Variants in LYRM1 observed in about 807,000 individuals in gnomAD.
The protein encoded by LYRM1 is LYR motif containing 1, also known as LYR motif-containing protein 1.
Under a neutral mutation model 14.9 loss-of-function variants are expected in LYRM1, and 14 were observed. The observed-to-expected ratio is 0.94, with a 90% CI of 0.62 to 1.47. LYRM1 has a LOEUF of 1.47. LYRM1 is among the 40% of genes most tolerant of loss of function. The pLI is 0.00. For missense variants in LYRM1, 153 were observed against 149.9 expected, an observed-to-expected ratio of 1.02 and a Z score of -0.11; for synonymous variants, 43 against 56.2, an observed-to-expected ratio of 0.77 and a Z score of 1.05.
chr16:20,909,583 C>T (rs905538275), intron 1 of LYRM1, among the ~76,000 whole-genome samples: 1 of 152,118 alleles, frequency 6.6e-6, no homozygotes, highest in African/African-American at 2.4e-5. Flanking sequence ...AGGAAAAGGG[C>T]TTCCTTAGTC....
chr16:20,919,765 G>T (rs1180489735), intron 2 of LYRM1, among the ~76,000 whole-genome samples: 6 of 152,140 alleles, frequency 3.9e-5, no homozygotes, highest in Admixed American at 3.3e-4. Context: ...GTTTGTGTGA[G>T]AAAAATAATC....
rs2082039736 is a variant in LYRM1, at chr16:20,901,361, G to T, written c.-1+472G>T. Among the ~76,000 whole-genome samples the T allele has an allele frequency of 6.6e-6, 1 of 152,168 alleles. No individual in the cohort carries two copies. Among genetic ancestry groups the T allele is most frequent in the African/African-American group, 2.4e-5 (1 of 41,430 alleles). ...CGTTACCTTCCATTCGTGTGCAGGAGAGAGTTAAGTAAATCAATAAAGAAG... is the reference window on the plus strand; with the variant it reads ...CGTTACCTTCCATTCGTGTGCAGGATAGAGTTAAGTAAATCAATAAAGAAG... On this transcript the variant is annotated intron_variant, in intron 1 of 3. Coordinates refer to ENST00000567954, the MANE Select transcript of LYRM1 (RefSeq NM_001128302.3). This position sits in a 1 kb window ranked among gnomAD's most constrained non-coding sequence, Gnocchi z 4.6.
At position 20,924,445 on chromosome 16, in the gene LYRM1, C is replaced by G. The variant is rs930756652; in HGVS notation, c.*329C>G. On this transcript the variant is annotated 3_prime_UTR_variant, in exon 4 of 4. Transcript: ENST00000567954. ...CATTCACCACACATGCCAGCTGATGCAAAGAAATTTGCCAGTCACTGGAAG... is the reference window on the plus strand; with the variant it reads ...CATTCACCACACATGCCAGCTGATGGAAAGAAATTTGCCAGTCACTGGAAG... The G allele has an allele frequency of 5.7e-6, 1 of 175,006 alleles. No individual in the cohort carries two copies. The highest frequency in any genetic ancestry group is 1.6e-4 in the South Asian group (1 of 6,174). 10.8% of individuals were successfully genotyped at this position (175,006 alleles called of 1,614,324 possible).
In LYRM1 at chr16:20,901,806, T is replaced by TA. The variant is rs1378960248; in HGVS notation, c.-1+919dup. 1.1e-4 allele frequency among the ~76,000 whole-genome samples: 16 copies of TA among 152,068 alleles called. No individual in the cohort carries two copies. Among genetic ancestry groups the TA allele is most frequent in the African/African-American group, 3.9e-4 (16 of 41,378 alleles). On this transcript the variant is annotated intron_variant, in intron 1 of 3. Transcript: ENST00000567954. The surrounding 1 kb of genome is among the most constrained non-coding windows in gnomAD (Gnocchi z 4.6). ...GACCTGTTAGGAGACTGTTGCACTGTAAGACAAAGGAGAGGTGAAGATAGT... is the reference window on the plus strand; with the variant it reads ...GACCTGTTAGGAGACTGTTGCACTGTAAAGACAAAGGAGAGGTGAAGATAGT...
At chr16:20,899,999 C>A (rs1275698247), upstream of LYRM1, 2 of 152,600 alleles carry the variant, frequency 1.3e-5, no homozygotes, top group Non-Finnish European at 2.9e-5. Context: ...GAGGCAGGGA[C>A]AGTAGGTAAG....
At position 20,906,158 on chromosome 16, in the gene LYRM1, A is replaced by G. The variant is rs2082309318; in HGVS notation, c.-1+5269A>G. 2.0e-5 allele frequency among the ~76,000 whole-genome samples: 3 copies of G among 152,328 alleles called. No individual in the cohort carries two copies. The South Asian group carries it at 6.2e-4, about 32-fold the overall frequency. On this transcript the variant is annotated intron_variant, in intron 1 of 3. Coordinates refer to ENST00000567954, the MANE Select transcript of LYRM1 (RefSeq NM_001128302.3). ...TCATGCAAAATTATGATAGAGTAGGATGAACATTATGACAGGGGTATGCCA... is the reference window on the plus strand; with the variant it reads ...TCATGCAAAATTATGATAGAGTAGGGTGAACATTATGACAGGGGTATGCCA...
intron 1 of LYRM1, among the ~76,000 whole-genome samples, chr16:20,911,544 G>A (rs2082592340): frequency 6.6e-6 from 1 of 152,132 alleles, no homozygotes. Flanking sequence ...TCAGAATGAG[G>A]TGTCCAGCTG....
intron 1 of LYRM1, among the ~76,000 whole-genome samples, chr16:20,906,743 A>G (rs1228161911): frequency 3.3e-5 from 5 of 152,196 alleles, no homozygotes; most frequent in Admixed American, 6.5e-5. Context: ...TCATGCTGCA[A>G]TGGTCTTTCC....
At chr16:20,923,887 A>G (rs148261475) in intron 3 of LYRM1, 113 bp from the exon 4 acceptor site, 1 of 607,936 alleles carries the variant, frequency 1.6e-6, no homozygotes, top group East Asian at 2.8e-5. Context: ...TAATGAATCA[A>G]TGTAGATACA....
In LYRM1 at chr16:20,916,217, T is replaced by G. The variant is rs372918378; in HGVS notation, c.159+503T>G. Reference sequence around the variant, plus strand: ...AGCCTCTTTGGCTAGCAGAGTGAGATTGCCCTTTGGGACCACAGAACTGGG... The same window carrying G: ...AGCCTCTTTGGCTAGCAGAGTGAGAGTGCCCTTTGGGACCACAGAACTGGG... On this transcript the variant is annotated intron_variant, in intron 2 of 3. Coordinates refer to ENST00000567954, the MANE Select transcript of LYRM1 (RefSeq NM_001128302.3). 9.5e-4 allele frequency among the ~76,000 whole-genome samples: 145 copies of G among 152,244 alleles called. 4 individuals carry two copies. The South Asian group carries it at 0.03, about 31-fold the overall frequency.
At chr16:20,905,846 G>A (rs757324484) in intron 1 of LYRM1, among the ~76,000 whole-genome samples, 39 of 152,114 alleles carry the variant, frequency 2.6e-4, no homozygotes, top group Non-Finnish European at 4.7e-4. Context: ...GACACACACT[G>A]CTCTTGAAAG....
At chr16:20,910,112 G>A (rs1289753353) in intron 1 of LYRM1, among the ~76,000 whole-genome samples, 1 of 152,208 alleles carries the variant, frequency 6.6e-6, no homozygotes, top group Non-Finnish European at 1.5e-5. Context: ...CAGGTAAAAG[G>A]GAGGGGTTCA....
chr16:20,914,211 C>T (rs2082746113), intron 1 of LYRM1, among the ~76,000 whole-genome samples: 1 of 151,136 alleles, frequency 6.6e-6, no homozygotes, highest in African/African-American at 2.4e-5. Context: ...AGAGAGGTTG[C>T]AACCTGACAA....
At chr16:20,922,190 A>G (rs771217691) in intron 3 of LYRM1, among the ~76,000 whole-genome samples, 1 of 152,050 alleles carries the variant, frequency 6.6e-6, no homozygotes, top group African/African-American at 2.4e-5. Context: ...GGGTTTCACC[A>G]TGTTGGCCAG....
chr16:20,920,619 G>A (rs774148467), intron 3 of LYRM1: 28 of 208,164 alleles, frequency 1.3e-4, no homozygotes, highest in Non-Finnish European at 2.4e-4. Context: ...TAGGCACTGC[G>A]GCTCATGCCT....
chr16:20,923,946 T>G, intron 3 of LYRM1, 54 bp from the exon 4 acceptor site: 67 of 976,914 alleles, frequency 6.9e-5, no homozygotes, highest in Non-Finnish European at 1.0e-4. Flanking sequence ...TCAGTGAATA[T>G]GAGCTGCTGC....
intron 3 of LYRM1, among the ~76,000 whole-genome samples, chr16:20,922,231 C>A (rs1339085548): frequency 6.6e-6 from 1 of 151,894 alleles, no homozygotes; most frequent in Admixed American, 6.6e-5. Context: ...CTCAAGTGAT[C>A]CGCCTGCCTT....
intron 3 of LYRM1, among the ~76,000 whole-genome samples, chr16:20,923,674 C>T (rs913179452): frequency 6.6e-6 from 1 of 152,076 alleles, no homozygotes; most frequent in African/African-American, 2.4e-5. Context: ...GATCCATGCT[C>T]GTTTTTTCTC....
In LYRM1 at chr16:20,915,581, T is replaced by A. The variant is rs199595242; in HGVS notation, c.26T>A (p.Val9Asp). Residue 9 changes from valine (V) to aspartate (D), a missense_variant, in exon 2 of 4, where the codon GTC (valine) becomes GAC (aspartate). Val to Asp is a radical substitution (Grantham distance 152, BLOSUM62 -3). Transcript: ENST00000567954. ...ATGACAACGGCAACACGACAAGAAG[T>A]CCTTGGCCTCTACCGCAGCATTTTC... MTTATRQE[V>D]LGLYRSIFRL... 1.7e-5 allele frequency: 28 copies of A among 1,613,910 alleles called. No homozygotes were observed. Among genetic ancestry groups the A allele is most frequent in the Admixed American group, 5.0e-5 (3 of 59,976 alleles).
Sources: gnomAD v4.1 joint callset for allele counts (sites outside exome capture counted in the v4.1 genomes callset) on GRCh38, gnomAD v4.1.1 for gene constraint, Gnocchi (gnomAD v3.1) non-coding constraint, MANE v1.5 for transcripts, NCBI Gene and HGNC (gene_info 2026-07-23, HGNC 2026-07-21) for gene names.